Variants in SNX29 observed in about 807,000 individuals in gnomAD.
SNX29 encodes sorting nexin 29.
A neutral mutation model predicts 102.1 loss-of-function variants in SNX29; 78 were observed. The observed-to-expected ratio is 0.76, with a 90% CI of 0.64 to 0.92. The LOEUF (loss-of-function observed/expected upper bound fraction) is 0.92. SNX29 is among the 40% of genes least tolerant of loss of function. SNX29 has a pLI of 0.00. For synonymous variants in SNX29, 580 were observed against 414.5 expected (o/e 1.40, Z -4.85); for missense variants, 1,280 against 1,061.7 (o/e 1.21, Z -2.86).
chr16:11,987,251 A>T (rs2055667404), intron 1 of SNX29, among the ~76,000 whole-genome samples: 1 of 150,692 alleles, frequency 6.6e-6, no homozygotes, highest in Non-Finnish European at 1.5e-5. Flanking sequence ...TTAAATTTTC[A>T]TAGAGACGAG....
At chr16:12,314,669 A>G (rs528195077) in intron 15 of SNX29, among the ~76,000 whole-genome samples, 30 of 152,356 alleles carry the variant, frequency 2.0e-4, no homozygotes, top group Non-Finnish European at 4.1e-4. Context: ...GAGCTTTTGC[A>G]ACTGAGGTTC....
chr16:12,478,214 A>G (rs2087747101), intron 19 of SNX29, among the ~76,000 whole-genome samples: 1 of 152,258 alleles, frequency 6.6e-6, no homozygotes, highest in African/African-American at 2.4e-5. Flanking sequence ...GTACAGACAC[A>G]AATGAGTATG....
chr16:12,191,925 A>G (rs1342472662), intron 13 of SNX29, among the ~76,000 whole-genome samples: 1 of 152,198 alleles, frequency 6.6e-6, no homozygotes, highest in African/African-American at 2.4e-5. Flanking sequence ...ATGCCTACTC[A>G]GTACCTGCTG....
chr16:12,451,099 G>C (rs2086281272), intron 18 of SNX29, among the ~76,000 whole-genome samples: 1 of 152,134 alleles, frequency 6.6e-6, no homozygotes, highest in Admixed American at 6.6e-5. Context: ...TTTTGTCCTT[G>C]AACAGAAGAG....
At chr16:12,531,390 G>A (rs991127806) in intron 20 of SNX29, among the ~76,000 whole-genome samples, 3 of 151,948 alleles carry the variant, frequency 2.0e-5, no homozygotes, top group Non-Finnish European at 4.4e-5. Flanking sequence ...TTGGGCGATG[G>A]GCTAGGGTGC....
At chr16:12,121,583 C>T (rs2053975028) in intron 11 of SNX29, among the ~76,000 whole-genome samples, 1 of 152,206 alleles carries the variant, frequency 6.6e-6, no homozygotes, top group African/African-American at 2.4e-5. Context: ...ACATTTCCAA[C>T]ACCTGCCGCT....
chr16:12,539,934 TA>T lies in SNX29; in HGVS notation c.2318+15094del, dbSNP rs1567675369. ...AGTTTTGGGAGTTCTTTGTATATGT[TA>T]GATGCAAGACCTTTGTCGAACATGT... is the stretch of plus-strand genomic sequence containing the variant. On this transcript the variant is annotated intron_variant, in intron 20 of 20. Transcript: ENST00000566228. Among the ~76,000 whole-genome samples, 5 of 152,356 alleles carry T rather than the reference TA, an allele frequency of 3.3e-5. No homozygotes were observed. In the South Asian group the frequency reaches 1.0e-3, roughly 32 times the overall value.
intron 18 of SNX29, among the ~76,000 whole-genome samples, chr16:12,470,884 T>C (rs765067217): frequency 2.6e-4 from 40 of 152,226 alleles, no homozygotes; most frequent in Admixed American, 5.9e-4. Flanking sequence ...CTGCCAGGCA[T>C]GGGCGAGGCA....
chr16:12,566,657 C>CT (rs1346521046), intron 20 of SNX29, among the ~76,000 whole-genome samples: 5 of 151,584 alleles, frequency 3.3e-5, no homozygotes, highest in African/African-American at 9.7e-5. Flanking sequence ...TTGAACCATC[C>CT]TCTAAGGAGC....
chr16:12,436,613 C>A (rs1053250204), intron 18 of SNX29, among the ~76,000 whole-genome samples: 3 of 152,244 alleles, frequency 2.0e-5, no homozygotes, highest in African/African-American at 7.2e-5. Context: ...AGGGTCCTAG[C>A]CCCTGGCCTG....
At chr16:12,272,004 A>T (rs183795959) in intron 14 of SNX29, among the ~76,000 whole-genome samples, 1 of 152,322 alleles carries the variant, frequency 6.6e-6, no homozygotes, top group East Asian at 1.9e-4. Flanking sequence ...CATACATGGA[A>T]TTGAAATTTT....
intron 14 of SNX29, among the ~76,000 whole-genome samples, chr16:12,246,236 G>C (rs1358561331): frequency 1.3e-5 from 2 of 152,150 alleles, no homozygotes; most frequent in Non-Finnish European, 2.9e-5. Context: ...CTGACAGGCA[G>C]CGCTGCAGGC....
At chr16:12,426,801 G>C (rs1214355721) in intron 18 of SNX29, among the ~76,000 whole-genome samples, 1 of 152,184 alleles carries the variant, frequency 6.6e-6, no homozygotes, top group Non-Finnish European at 1.5e-5. Context: ...ATGTAGCTGG[G>C]ATTACAGGTG....
chr16:12,418,938 T>C (rs1363198118), intron 18 of SNX29, among the ~76,000 whole-genome samples: 1 of 152,168 alleles, frequency 6.6e-6, no homozygotes, highest in Non-Finnish European at 1.5e-5. Context: ...CAGTTATACA[T>C]CTGCCTAAAC....
chr16:12,571,481 G>A lies in SNX29; in HGVS notation c.*2852G>A, dbSNP rs543640550. ...GAACAGAAGCCCCCTCCCCTACTCA[G>A]AGAGGAACGAGGGTGGCCCACCTCT... On this transcript the variant is annotated 3_prime_UTR_variant, in exon 21 of 21. Coordinates refer to ENST00000566228, the MANE Select transcript of SNX29 (RefSeq NM_032167.5). The A allele has an allele frequency of 1.2e-4, 36 of 288,352 alleles. No homozygotes were observed. Among genetic ancestry groups the A allele is most frequent in the Non-Finnish European group, 1.9e-4 (33 of 169,296 alleles). The allele number at this position is 288,352 out of a possible 1,614,324, so 17.9% of individuals were successfully genotyped here.
intron 15 of SNX29, among the ~76,000 whole-genome samples, chr16:12,342,122 G>A (rs1280393200): frequency 6.6e-6 from 1 of 152,210 alleles, no homozygotes; most frequent in Non-Finnish European, 1.5e-5. Context: ...GAGCCACTCT[G>A]TTGGGGGTGG....
chr16:12,212,226 C>T (rs960049865), intron 14 of SNX29, among the ~76,000 whole-genome samples: 4 of 152,190 alleles, frequency 2.6e-5, no homozygotes, highest in African/African-American at 9.7e-5. Flanking sequence ...CGCCTTTCCC[C>T]CCGGAGACTG....
intron 13 of SNX29, among the ~76,000 whole-genome samples, chr16:12,196,622 CT>C (rs34779383): frequency 9.0e-4 from 117 of 129,638 alleles, no homozygotes; most frequent in African/African-American, 1.8e-3. Flanking sequence ...TTTCTTTTTT[CT>C]TTTTTTTTTT....
chr16:12,473,760 T>C (rs1394332616), intron 18 of SNX29, among the ~76,000 whole-genome samples: 1 of 152,174 alleles, frequency 6.6e-6, no homozygotes, highest in Admixed American at 6.5e-5. Context: ...TAGAGTGACC[T>C]CTGGGTGTCC....
Sources: gnomAD v4.1 joint callset for allele counts (sites outside exome capture counted in the v4.1 genomes callset) on GRCh38, gnomAD v4.1.1 for gene constraint, MANE v1.5 for transcripts, NCBI Gene and HGNC (gene_info 2026-07-23, HGNC 2026-07-21) for gene names.